Variants in MYRIP observed in about 807,000 individuals in gnomAD.
MYRIP encodes the protein rab effector MyRIP.
A neutral mutation model predicts 98.0 loss-of-function variants in MYRIP; 49 were observed. That is an observed-to-expected ratio of 0.50 (90% CI 0.40 to 0.63). MYRIP has a LOEUF of 0.63. MYRIP is among the 30% of genes least tolerant of loss of function. MYRIP has a pLI of 0.00. For missense variants in MYRIP, 1,004 were observed against 1,058.2 expected (o/e 0.95, Z 0.71); for synonymous variants, 404 against 409.5 (o/e 0.99, Z 0.16).
At chr3:40,166,245 T>A (rs1186625797) in intron 5 of MYRIP, among the ~76,000 whole-genome samples, 1 of 152,198 alleles carries the variant, frequency 6.6e-6, no homozygotes, top group Non-Finnish European at 1.5e-5. Context: ...ACAATATACA[T>A]TATATGAACA....
chr3:39,847,691 G>C (rs1354679472), intron 1 of MYRIP, among the ~76,000 whole-genome samples: 1 of 152,110 alleles, frequency 6.6e-6, no homozygotes, highest in Non-Finnish European at 1.5e-5. Flanking sequence ...TCTCTCCAGT[G>C]GCATTGTCCT....
intron 3 of MYRIP, among the ~76,000 whole-genome samples, chr3:40,137,140 G>A (rs1949796195): frequency 6.6e-6 from 1 of 152,152 alleles, no homozygotes; most frequent in Non-Finnish European, 1.5e-5. Flanking sequence ...CTGCTAGCAA[G>A]ACTAATAAAG....
At chr3:39,945,922 C>T (rs1944890352) in intron 2 of MYRIP, among the ~76,000 whole-genome samples, 1 of 151,866 alleles carries the variant, frequency 6.6e-6, no homozygotes, top group South Asian at 2.1e-4. Context: ...AGGGAAAATT[C>T]TGTAGGCATA....
chr3:40,103,600 A>C (rs990196782), intron 3 of MYRIP, among the ~76,000 whole-genome samples: 13 of 152,316 alleles, frequency 8.5e-5, no homozygotes, highest in African/African-American at 3.1e-4. Context: ...CTCTACTAAA[A>C]ATACAAAAAT....
chr3:40,180,985 TAGG>T, intron 8 of MYRIP, among the ~76,000 whole-genome samples: 1 of 152,324 alleles, frequency 6.6e-6, no homozygotes, highest in African/African-American at 2.4e-5. Context: ...CCAGAGTCCT[TAGG>T]AGGCAAGGCC....
intron 2 of MYRIP, among the ~76,000 whole-genome samples, chr3:39,915,933 T>C (rs1403002822): frequency 2.0e-5 from 3 of 152,046 alleles, no homozygotes; most frequent in African/African-American, 7.2e-5. Context: ...GTTTTAATGC[T>C]ACTATTATCA....
At chr3:39,933,083 T>C (rs1944577426) in intron 2 of MYRIP, among the ~76,000 whole-genome samples, 1 of 152,242 alleles carries the variant, frequency 6.6e-6, no homozygotes, top group Non-Finnish European at 1.5e-5. Context: ...AAAAGTCTCA[T>C]GCATTATGAT....
At chr3:39,977,108 A>T (rs1402799736) in intron 2 of MYRIP, among the ~76,000 whole-genome samples, 3 of 151,708 alleles carry the variant, frequency 2.0e-5, no homozygotes, top group Admixed American at 2.0e-4. Flanking sequence ...TCCTTTAATT[A>T]TAAAAGGTTT....
chr3:39,998,287 C>T (rs561618466), intron 2 of MYRIP, among the ~76,000 whole-genome samples: 100 of 152,318 alleles, frequency 6.6e-4, no homozygotes, highest in African/African-American at 2.1e-3. Flanking sequence ...GAAACACCAT[C>T]ATCTCAGCCC....
At chr3:39,809,447 G>GCCCGGCGGGCACCCCCTGC (rs1940581764), upstream of MYRIP, among the ~76,000 whole-genome samples, 1 of 147,164 alleles carries the variant, frequency 6.8e-6, no homozygotes, top group Non-Finnish European at 1.5e-5. Flanking sequence ...GGAGGAACCG[G>GCCCGGCGGGCACCCCCTGC]CCCGGCGGGC....
intron 2 of MYRIP, among the ~76,000 whole-genome samples, chr3:39,998,190 C>A (rs1343447193): frequency 6.6e-6 from 1 of 152,166 alleles, no homozygotes; most frequent in East Asian, 1.9e-4. Flanking sequence ...CCAGAGCAAT[C>A]AGGCTGCAGA....
chr3:39,928,595 C>G (rs375493933), intron 2 of MYRIP, among the ~76,000 whole-genome samples: 7 of 151,028 alleles, frequency 4.6e-5, no homozygotes, highest in African/African-American at 1.5e-4. Context: ...ATCATATCAA[C>G]CAATGCAGAA....
At chr3:40,199,014 A>C (rs2125643238) in intron 10 of MYRIP, among the ~76,000 whole-genome samples, 1 of 152,356 alleles carries the variant, frequency 6.6e-6, no homozygotes, top group South Asian at 2.1e-4. Context: ...AGTTCACAAA[A>C]TTGATGGAAT....
At chr3:40,047,897 C>A (rs1947704225) in intron 3 of MYRIP, among the ~76,000 whole-genome samples, 1 of 152,104 alleles carries the variant, frequency 6.6e-6, no homozygotes, top group African/African-American at 2.4e-5. Flanking sequence ...TGTAACCCAT[C>A]AACATTACAC....
intron 3 of MYRIP, chr3:40,100,115 G>A (rs1354879515): frequency 2.0e-6 from 2 of 985,184 alleles, no homozygotes; most frequent in Admixed American, 6.2e-5. Flanking sequence ...CCTCTGTCTG[G>A]GCTTTTCTGG....
chr3:40,042,613 AAAAAT>A (rs1947564597), intron 2 of MYRIP, among the ~76,000 whole-genome samples: 1 of 152,164 alleles, frequency 6.6e-6, no homozygotes, highest in Admixed American at 6.6e-5. Context: ...TAGTCATAGT[AAAAAT>A]AAAAATAGTA....
At chr3:40,053,996 G>C (rs1350051180) in intron 3 of MYRIP, among the ~76,000 whole-genome samples, 1 of 152,158 alleles carries the variant, frequency 6.6e-6, no homozygotes, top group Non-Finnish European at 1.5e-5. Flanking sequence ...CATGGGTATA[G>C]CATTGGCACT....
intron 1 of MYRIP, among the ~76,000 whole-genome samples, chr3:39,811,606 G>A (rs541203611): frequency 1.3e-5 from 2 of 152,010 alleles, no homozygotes; most frequent in South Asian, 4.2e-4. Flanking sequence ...CTCCATCTGC[G>A]AGCTGTCTCT....
At chr3:40,244,067 A>G (rs1255757460) in intron 12 of MYRIP, among the ~76,000 whole-genome samples, 1 of 152,208 alleles carries the variant, frequency 6.6e-6, no homozygotes, top group Non-Finnish European at 1.5e-5. Flanking sequence ...ACTAAATGCC[A>G]ACCAAAAATT....
Sources: allele counts gnomAD v4.1 joint callset (sites outside exome capture counted in the v4.1 genomes callset), GRCh38; gene constraint gnomAD v4.1.1; transcripts MANE v1.5; gene names NCBI Gene and HGNC (gene_info 2026-07-23, HGNC 2026-07-21).